The following RNF144A variants were observed in gnomAD, a reference collection of about 807,000 sequenced individuals.
The protein encoded by RNF144A is E3 ubiquitin-protein ligase RNF144A.
Under a neutral mutation model 38.7 loss-of-function variants are expected in RNF144A, and 11 were observed. The observed-to-expected ratio is 0.28, with a 90% CI of 0.18 to 0.47. RNF144A has a LOEUF of 0.47. Among genes scored for constraint, RNF144A ranks in the 20% least tolerant of loss-of-function variants. The pLI, the probability that RNF144A is intolerant of heterozygous loss-of-function variation, is 0.99. For missense variants in RNF144A, 316 were observed against 377.2 expected, an observed-to-expected ratio of 0.84 and a Z score of 1.34; for synonymous variants, 149 against 143.9, an observed-to-expected ratio of 1.04 and a Z score of -0.25.
chr2:7,012,948 C>T (rs1215399436), intron 3 of RNF144A, among the ~76,000 whole-genome samples: 3 of 152,234 alleles, frequency 2.0e-5, no homozygotes, highest in Non-Finnish European at 4.4e-5. Context: ...CAGGCTGGAA[C>T]ACAGGGTTCA....
At chr2:6,946,485 C>G (rs1452286434) in intron 2 of RNF144A, among the ~76,000 whole-genome samples, 1 of 151,586 alleles carries the variant, frequency 6.6e-6, no homozygotes, top group Non-Finnish European at 1.5e-5. Flanking sequence ...TTTTCTTTCT[C>G]TCTCTAAATA....
chr2:7,011,351 A>T (rs1433759758), intron 3 of RNF144A, among the ~76,000 whole-genome samples: 1 of 152,222 alleles, frequency 6.6e-6, no homozygotes, highest in Non-Finnish European at 1.5e-5. Context: ...GTTGTATGTT[A>T]TATCTCTAAA....
intron 3 of RNF144A, among the ~76,000 whole-genome samples, chr2:7,000,073 AG>A (rs1286541201): frequency 6.6e-6 from 1 of 152,206 alleles, no homozygotes; most frequent in Non-Finnish European, 1.5e-5. Context: ...ACTCCCCTGA[AG>A]CAGGTTCTCC....
At chr2:7,030,017 G>A in intron 7 of RNF144A, 109 bp from the exon 8 acceptor site, 1 of 794,808 alleles carries the variant, frequency 1.3e-6, no homozygotes, top group Non-Finnish European at 2.1e-6. Flanking sequence ...CCTCCCTCAT[G>A]TCTCCACTTA....
chr2:6,967,413 C>T lies in RNF144A; in HGVS notation c.-12+26266C>T, dbSNP rs115481715. Among the ~76,000 whole-genome samples, 759 of 152,312 alleles carry T rather than the reference C, an allele frequency of 5.0e-3. 11 individuals carry two copies. The highest frequency in any genetic ancestry group is 0.017 in the African/African-American group (711 of 41,572). On this transcript the variant is annotated intron_variant, in intron 2 of 8. Coordinates refer to ENST00000320892, the MANE Select transcript of RNF144A (RefSeq NM_014746.6). ...GGAAGAGGATGAGGGTGAAGGGAAC[C>T]GGCCCAGGGTCTTGTTAGTATCCCA... is the stretch of plus-strand genomic sequence containing the variant.
intron 2 of RNF144A, among the ~76,000 whole-genome samples, chr2:6,965,491 G>T (rs1667610646): frequency 6.6e-6 from 1 of 152,172 alleles, no homozygotes; most frequent in African/African-American, 2.4e-5. Context: ...GAGTTTAAGG[G>T]ACCAGTGCCT....
intron 6 of RNF144A, among the ~76,000 whole-genome samples, chr2:7,065,177 C>T (rs180961773): frequency 6.6e-6 from 1 of 152,336 alleles, no homozygotes; most frequent in East Asian, 1.9e-4. Flanking sequence ...AATTATTCTT[C>T]TTAAAACTGT....
In RNF144A at chr2:7,041,521, C is replaced by T; in HGVS notation, c.*1761C>T. ...CCTGCGACTCCCTTTCTGGATGGAACCTGGGCTGTGGCTCTCTGTCGTTTG... is the reference window on the plus strand; with the variant it reads ...CCTGCGACTCCCTTTCTGGATGGAATCTGGGCTGTGGCTCTCTGTCGTTTG... On this transcript the variant is annotated 3_prime_UTR_variant, in exon 9 of 9. Coordinates refer to ENST00000320892, the MANE Select transcript of RNF144A (RefSeq NM_014746.6). 11 of 986,070 alleles carry T rather than the reference C, an allele frequency of 1.1e-5. No homozygotes were observed. Among genetic ancestry groups the T allele is most frequent in the Non-Finnish European group, 1.3e-5 (11 of 829,954 alleles). 61.1% of individuals were successfully genotyped at this position (986,070 alleles called of 1,614,324 possible).
At chr2:6,961,918 A>T (rs1667370045) in intron 2 of RNF144A, among the ~76,000 whole-genome samples, 1 of 152,234 alleles carries the variant, frequency 6.6e-6, no homozygotes, top group African/African-American at 2.4e-5. Context: ...TACTAAATAC[A>T]TGTGAAATTG....
chr2:7,020,427 C>T (rs1395132674), intron 5 of RNF144A, 46 bp from the exon 6 acceptor site: 15 of 1,552,488 alleles, frequency 9.7e-6, no homozygotes, highest in Non-Finnish European at 1.3e-5. Flanking sequence ...GCCCACATGA[C>T]CCTCTGGCTT....
At chr2:7,021,457 A>C (rs1365087593) in intron 6 of RNF144A, among the ~76,000 whole-genome samples, 1 of 151,260 alleles carries the variant, frequency 6.6e-6, no homozygotes, top group Non-Finnish European at 1.5e-5. Flanking sequence ...CTAGCCCCCG[A>C]CCCTCTCAGG....
intron 2 of RNF144A, among the ~76,000 whole-genome samples, chr2:6,961,396 T>C (rs1181185101): frequency 1.3e-5 from 2 of 151,988 alleles, no homozygotes; most frequent in Admixed American, 6.6e-5. Flanking sequence ...AGGTACATTT[T>C]TTTTTTCCCT....
At chr2:6,978,318 G>C (rs1423180639) in intron 2 of RNF144A, among the ~76,000 whole-genome samples, 1 of 152,138 alleles carries the variant, frequency 6.6e-6, no homozygotes, top group Non-Finnish European at 1.5e-5. Context: ...CCAAGGACTT[G>C]TACTCTCTTA....
the RNF144A span, among the ~76,000 whole-genome samples, chr2:7,075,249 C>G: frequency 6.6e-6 from 1 of 151,910 alleles, no homozygotes; most frequent in Non-Finnish European, 1.5e-5. Flanking sequence ...TTAATGGCAG[C>G]TGGGGCCTCA....
chr2:6,993,642 G>A (rs182700816), intron 2 of RNF144A, among the ~76,000 whole-genome samples: 154 of 152,260 alleles, frequency 1.0e-3, no homozygotes, highest in Admixed American at 1.7e-3. Flanking sequence ...ATGCGTTCTC[G>A]GGTGATGTCC....
intron 2 of RNF144A, among the ~76,000 whole-genome samples, chr2:6,955,862 A>G (rs1180575136): frequency 3.3e-5 from 5 of 152,142 alleles, no homozygotes; most frequent in Non-Finnish European, 5.9e-5. Context: ...ATTCTTTTCA[A>G]GCAGACAGAC....
At chr2:7,061,359 T>C (rs748407001) in intron 6 of RNF144A, among the ~76,000 whole-genome samples, 4 of 152,214 alleles carry the variant, frequency 2.6e-5, no homozygotes, top group Non-Finnish European at 5.9e-5. Flanking sequence ...CAGCTGAATA[T>C]TTATGAATGT....
intron 2 of RNF144A, among the ~76,000 whole-genome samples, chr2:6,946,665 G>A (rs897036110): frequency 1.3e-5 from 2 of 152,056 alleles, no homozygotes; most frequent in African/African-American, 4.8e-5. Flanking sequence ...ATTAGAATCA[G>A]CTAAATATAC....
At chr2:7,022,998 GC>G (rs1420860842) in intron 6 of RNF144A, among the ~76,000 whole-genome samples, 1 of 152,156 alleles carries the variant, frequency 6.6e-6, no homozygotes, top group African/African-American at 2.4e-5. Context: ...GTACTTATGT[GC>G]TGGATTTTGT....
Sources: allele counts gnomAD v4.1 joint callset (sites outside exome capture counted in the v4.1 genomes callset), GRCh38; gene constraint gnomAD v4.1.1; transcripts MANE v1.5; gene names NCBI Gene and HGNC (gene_info 2026-07-23, HGNC 2026-07-21).